Variants in CNN3 observed in about 807,000 individuals in gnomAD.
CNN3 encodes the protein calponin 3.
Under a neutral mutation model 39.0 loss-of-function variants are expected in CNN3, and 11 were observed. The ratio of observed to expected loss-of-function variants is 0.28; its 90% CI spans 0.18 to 0.47. CNN3 has a LOEUF of 0.47. Among genes scored for constraint, CNN3 ranks in the 20% least tolerant of loss-of-function variants. The pLI is 0.99. For missense variants in CNN3, 266 were observed against 403.4 expected, an observed-to-expected ratio of 0.66 and a Z score of 2.92; for synonymous variants, 101 against 138.3, an observed-to-expected ratio of 0.73 and a Z score of 1.89.
chr1:94,902,053 A>G (rs1670882470), intron 4 of CNN3, 68 bp downstream of exon 4: 3 of 1,377,076 alleles, frequency 2.2e-6, no homozygotes, highest in African/African-American at 1.4e-5. Flanking sequence ...CCCATGAAAA[A>G]GCAATGATGC....
intron 1 of CNN3, chr1:94,925,783 C>T: frequency 2.0e-6 from 2 of 985,484 alleles, no homozygotes; most frequent in Non-Finnish European, 2.4e-6. Context: ...AATTAAACCA[C>T]AGGCAGCCCT....
chr1:94,906,422 TCCTCAAGC>T (rs964565054), intron 1 of CNN3, among the ~76,000 whole-genome samples: 24 of 152,234 alleles, frequency 1.6e-4, no homozygotes, highest in African/African-American at 5.5e-4. Flanking sequence ...AAAAGAGTAC[TCCTCAAGC>T]ATTAACTATG....
At position 94,908,156 on chromosome 1, in the gene CNN3, C is replaced by T. The variant is rs112071955; in HGVS notation, c.58-4632G>A. Among the ~76,000 whole-genome samples the T allele has an allele frequency of 2.0e-5, 3 of 152,332 alleles. No homozygotes were observed. In the South Asian group the frequency reaches 6.2e-4, roughly 32 times the overall value. On this transcript the variant is annotated intron_variant, in intron 1 of 6. Coordinates refer to ENST00000370206, the MANE Select transcript of CNN3 (RefSeq NM_001839.5). ...CTAGGCACACCTGCTGGAGACTCCT[C>T]CCCGAAACTCTCCAACATCCCTCTA... is the stretch of plus-strand genomic sequence containing the variant.
intron 1 of CNN3, among the ~76,000 whole-genome samples, chr1:94,920,972 A>G (rs1319808752): frequency 2.6e-5 from 4 of 152,274 alleles, no homozygotes; most frequent in African/African-American, 9.6e-5. Flanking sequence ...CTATAAAATA[A>G]GTTCAGAGTT....
intron 6 of CNN3, 29 bp from the exon 7 acceptor site, chr1:94,898,112 A>AAAC: frequency 6.4e-7 from 1 of 1,566,644 alleles, no homozygotes; most frequent in Non-Finnish European, 8.7e-7. Context: ...ATAAAAGTTA[A>AAAC]AACAGCAGCT....
In CNN3 at chr1:94,899,247, A is replaced by G. The variant is rs112031016; in HGVS notation, c.648+124T>C. 1,396 of 1,046,318 alleles carry G rather than the reference A, an allele frequency of 1.3e-3. 19 individuals carry two copies. In the African/African-American group the frequency reaches 0.021, roughly 16 times the overall value. The allele number at this position is 1,046,318 out of a possible 1,614,324, so 64.8% of individuals were successfully genotyped here. A position where few individuals can be genotyped will look rare whatever the true frequency, so the allele number is the denominator to read the frequency against. On this transcript the variant is annotated intron_variant, in intron 6 of 6. Coordinates refer to ENST00000370206, the MANE Select transcript of CNN3 (RefSeq NM_001839.5). ...CTTTTGATTATTTTGCTTTCCCAGC[A>G]AAGTCCACATTCCTGAAGGAATATA...
At chr1:94,901,200 A>G (rs569389615) in intron 5 of CNN3, among the ~76,000 whole-genome samples, 17 of 152,000 alleles carry the variant, frequency 1.1e-4, no homozygotes, top group Non-Finnish European at 2.1e-4. Context: ...CTAAAACTAC[A>G]AAACTTAGCC....
rs947705240 is a variant in CNN3 at position 94,901,356 on chromosome 1, A to G, written c.501+313T>C. Among the ~76,000 whole-genome samples the G allele has an allele frequency of 5.3e-5, 8 of 151,884 alleles. No homozygotes were observed. The South Asian group carries it at 1.5e-3, about 28-fold the overall frequency. ...GCAAAAGAGTGAGACTCTGTCTCAA[A>G]AAAAAAAAGATAAAATAAAAAATTT... On this transcript the variant is annotated intron_variant, in intron 5 of 6. Transcript: ENST00000370206.
At chr1:94,916,268 T>C (rs1671277589) in intron 1 of CNN3, among the ~76,000 whole-genome samples, 1 of 152,082 alleles carries the variant, frequency 6.6e-6, no homozygotes, top group South Asian at 2.1e-4. Flanking sequence ...TAGCCAGGCA[T>C]GGTGGTGCAC....
At chr1:94,898,201 G>T in intron 6 of CNN3, 118 bp from the exon 7 acceptor site, 2 of 1,071,066 alleles carry the variant, frequency 1.9e-6, no homozygotes, top group Non-Finnish European at 2.7e-6. Flanking sequence ...CTTTCATTTG[G>T]TTCAGGGGTA....
chr1:94,908,033 C>T (rs1035536900), intron 1 of CNN3, among the ~76,000 whole-genome samples: 1 of 152,272 alleles, frequency 6.6e-6, no homozygotes, highest in Non-Finnish European at 1.5e-5. Flanking sequence ...GCCCACCTTC[C>T]TTTCTTAAAC....
At position 94,922,988 on chromosome 1, in the gene CNN3, T is replaced by A. The variant is rs368585379; in HGVS notation, c.57+3850A>T. On this transcript the variant is annotated intron_variant, in intron 1 of 6. Coordinates refer to ENST00000370206, the MANE Select transcript of CNN3 (RefSeq NM_001839.5). ...ATGCTTCTTAATATTCCAGTTAGCT[T>A]CCTCCCAAAAAAACATACCGAGGTA... 8.3e-4 allele frequency among the ~76,000 whole-genome samples: 127 copies of A among 152,224 alleles called. 5 individuals are homozygous for A. The South Asian group carries it at 0.026, about 31-fold the overall frequency.
In CNN3 at chr1:94,897,726, C is replaced by G; in HGVS notation, c.*16G>C. On this transcript the variant is annotated 3_prime_UTR_variant, in exon 7 of 7. Coordinates refer to ENST00000370206, the MANE Select transcript of CNN3 (RefSeq NM_001839.5). ...TAAAAACAAAGGACTAAATACTGAG[C>G]TCCTTCTGTGTGGATCTAATAATCA... is the stretch of plus-strand genomic sequence containing the variant. The G allele has an allele frequency of 1.9e-6, 3 of 1,603,808 alleles. No individual in the cohort carries two copies. Among genetic ancestry groups the G allele is most frequent in the Non-Finnish European group, 2.6e-6 (3 of 1,172,432 alleles).
intron 5 of CNN3, among the ~76,000 whole-genome samples, chr1:94,901,399 T>C (rs1386654063): frequency 7.6e-6 from 1 of 130,986 alleles, no homozygotes; most frequent in Non-Finnish European, 1.8e-5. Context: ...TATTTTTCTT[T>C]TTTAAAAAAA....
intron 5 of CNN3, 22 bp from the exon 6 acceptor site, chr1:94,899,539 T>C: frequency 6.2e-7 from 1 of 1,608,176 alleles, no homozygotes; most frequent in Non-Finnish European, 8.5e-7. Context: ...AAAATAAAAT[T>C]GCACAAATTA....
intron 1 of CNN3, among the ~76,000 whole-genome samples, chr1:94,905,897 G>C (rs1670985984): frequency 6.6e-6 from 1 of 151,794 alleles, no homozygotes; most frequent in African/African-American, 2.4e-5. Flanking sequence ...AAATATTCTT[G>C]GATAATATAT....
In CNN3 at chr1:94,926,943, G is replaced by T. The variant is rs777344077; in HGVS notation, c.-49C>A. 5 of 1,579,264 alleles carry T rather than the reference G, an allele frequency of 3.2e-6. No homozygotes were observed. In the Admixed American group the frequency reaches 6.9e-5, roughly 22 times the overall value. On this transcript the variant is annotated 5_prime_UTR_variant, in exon 1 of 7. Transcript: ENST00000370206. This position sits in a 1 kb window ranked among gnomAD's most constrained non-coding sequence, Gnocchi z 4.2. ...ACAGCGCTGGGGTCCGGGGTCTCTC[G>T]CACTTCGCTTCCCCGCTCCTGGCCC...
chr1:94,919,735 G>A (rs192109353), intron 1 of CNN3, among the ~76,000 whole-genome samples: 1 of 152,222 alleles, frequency 6.6e-6, no homozygotes, highest in African/African-American at 2.4e-5. Flanking sequence ...AAATGCTTAG[G>A]TTACAACTGA....
intron 1 of CNN3, among the ~76,000 whole-genome samples, chr1:94,919,796 A>G (rs1671391929): frequency 6.6e-6 from 1 of 152,038 alleles, no homozygotes; most frequent in South Asian, 2.1e-4. Context: ...CTCTGCATTC[A>G]TGCCTCCAAT....
Sources: allele counts gnomAD v4.1 joint callset (sites outside exome capture counted in the v4.1 genomes callset), GRCh38; gene constraint gnomAD v4.1.1; non-coding constraint Gnocchi (gnomAD v3.1); transcripts MANE v1.5; gene names NCBI Gene and HGNC (gene_info 2026-07-23, HGNC 2026-07-21).